Variants in OSBPL1A observed in about 807,000 individuals in gnomAD.
OSBPL1A encodes the protein oxysterol binding protein like 1A, also known as oxysterol-binding protein-related protein 1.
A neutral mutation model predicts 137.1 loss-of-function variants in OSBPL1A; 80 were observed. The ratio of observed to expected loss-of-function variants is 0.58; its 90% confidence interval spans 0.49 to 0.70. The LOEUF (loss-of-function observed/expected upper bound fraction) is 0.70. OSBPL1A is among the 30% of genes least tolerant of loss of function. The pLI, the probability that OSBPL1A is intolerant of heterozygous loss-of-function variation, is 0.00. For synonymous variants in OSBPL1A, 365 were observed against 389.7 expected (o/e 0.94, Z 0.75); for missense variants, 970 against 1,129.4 (o/e 0.86, Z 2.02).
chr18:24,300,113 A>G (rs965561453), intron 14 of OSBPL1A, among the ~76,000 whole-genome samples: 3 of 152,226 alleles, frequency 2.0e-5, no homozygotes, highest in African/African-American at 7.2e-5. Flanking sequence ...AAAAATTTCA[A>G]TACTACATTC....
intron 1 of OSBPL1A, 135 bp from the exon 2 acceptor site, chr18:24,377,670 G>A (rs1262204217): frequency 5.5e-6 from 5 of 904,308 alleles, no homozygotes; most frequent in Admixed American, 3.3e-5. Context: ...GAATAAATCC[G>A]TTGCAGGGTG....
At chr18:24,250,281 A>G (rs2089047099) in intron 15 of OSBPL1A, among the ~76,000 whole-genome samples, 2 of 151,802 alleles carry the variant, frequency 1.3e-5, no homozygotes, top group African/African-American at 4.8e-5. Context: ...GGTTTGAGCA[A>G]TTCTCATGCC....
At chr18:24,295,943 C>A (rs1205220429) in intron 14 of OSBPL1A, among the ~76,000 whole-genome samples, 1 of 151,630 alleles carries the variant, frequency 6.6e-6, no homozygotes, top group Non-Finnish European at 1.5e-5. Flanking sequence ...TAATGTGATA[C>A]CTCCAGATTT....
Position 24,167,344 on chromosome 18 carries a change from A to G in OSBPL1A, c.2520T>C (p.Pro840=). 1 of 1,614,106 alleles carries G rather than the reference A, an allele frequency of 6.2e-7. No homozygotes were observed. Among genetic ancestry groups the G allele is most frequent in the Non-Finnish European group, 8.5e-7 (1 of 1,179,936 alleles). Residue 840 remains proline (P), a synonymous_variant, in exon 25 of 28, where the codon CCT becomes CCC. Coordinates refer to ENST00000319481, the MANE Select transcript of OSBPL1A (RefSeq NM_080597.4). ...CCAGTCTCACCTGGGCAGAATTTGG[A>G]GGCCGTGGGGCTATTCGCCATAGAA... The part of the protein sequence containing the change: ...SVLLWRIAPR[P]PNSAQMYNFT...
chr18:24,215,927 T>C lies in OSBPL1A; in HGVS notation c.1601+9115A>G, dbSNP rs113072480. ...TAGATCGAGATGCCAAGCAAGAATA[T>C]ACGTTTTAATAAATATTTAACTGCT... is the stretch of plus-strand genomic sequence containing the variant. On this transcript the variant is annotated intron_variant, in intron 17 of 27. Transcript: ENST00000319481. Among the ~76,000 whole-genome samples the C allele has an allele frequency of 7.8e-3, 1,181 of 152,336 alleles. 7 individuals are homozygous for C. Among genetic ancestry groups the C allele is most frequent in the Non-Finnish European group, 0.012 (825 of 68,034 alleles).
intron 15 of OSBPL1A, among the ~76,000 whole-genome samples, chr18:24,275,088 G>A (rs909690709): frequency 3.9e-5 from 6 of 152,200 alleles, no homozygotes; most frequent in Middle Eastern, 6.8e-3. Flanking sequence ...TAGCAATAAG[G>A]AAATACTGGC....
chr18:24,388,871 T>C (rs999980141), intron 1 of OSBPL1A, among the ~76,000 whole-genome samples: 2 of 151,014 alleles, frequency 1.3e-5, no homozygotes, highest in Middle Eastern at 3.2e-3. Flanking sequence ...CCCCCACAGA[T>C]TGAGGTTGAT....
At position 24,239,262 on chromosome 18, in the gene OSBPL1A, C is replaced by T. The variant is rs754929095; in HGVS notation, c.1402G>A (p.Ala468Thr). The stretch of plus-strand genomic sequence containing the variant: ...AACTCGTCCTCGCTAAGGATGCTGG[C>T]GGGTGGAGAGCCTTTCACCAGAGAC... ...EQSLVKGSPP[A>T]SILSEDEFYD... The change falls in exon 16 of 28, where the codon GCC becomes ACC. Residue 468 changes from alanine (A) to threonine (T), a missense_variant. Ala to Thr is a moderately conservative substitution (Grantham distance 58). Around this residue, in one of 2 missense-constraint regions of OSBPL1A, gnomAD observed 647 missense variants for 672.6 expected, o/e 0.96. Transcript: ENST00000319481. The T allele has an allele frequency of 2.2e-5, 35 of 1,613,906 alleles. No individual in the cohort carries two copies. The highest frequency in any genetic ancestry group is 3.3e-5 in the Admixed American group (2 of 59,958).
chr18:24,213,085 C>CA (rs1243250179), intron 17 of OSBPL1A, among the ~76,000 whole-genome samples: 1 of 152,190 alleles, frequency 6.6e-6, no homozygotes, highest in Non-Finnish European at 1.5e-5. Context: ...ACAACTTAGT[C>CA]AGAGACGAGG....
At chr18:24,259,102 G>C (rs1426798315) in intron 15 of OSBPL1A, among the ~76,000 whole-genome samples, 1 of 151,620 alleles carries the variant, frequency 6.6e-6, no homozygotes, top group Non-Finnish European at 1.5e-5. Flanking sequence ...TTTATTTTTA[G>C]TAGAGACGGG....
intron 15 of OSBPL1A, among the ~76,000 whole-genome samples, chr18:24,257,286 G>C (rs2089309002): frequency 6.6e-6 from 1 of 152,098 alleles, no homozygotes; most frequent in South Asian, 2.1e-4. Context: ...CAGACACATA[G>C]ACCAATGGAA....
At chr18:24,350,111 CCT>C (rs2091413773) in intron 4 of OSBPL1A, among the ~76,000 whole-genome samples, 1 of 152,032 alleles carries the variant, frequency 6.6e-6, no homozygotes, top group Non-Finnish European at 1.5e-5. Flanking sequence ...TCCTCGCTCC[CCT>C]TTAGCTAGTG....
chr18:24,191,735 ATTGAG>A (rs1367726086), intron 18 of OSBPL1A, among the ~76,000 whole-genome samples: 2 of 152,216 alleles, frequency 1.3e-5, no homozygotes, highest in African/African-American at 4.8e-5. Context: ...GATTAAAACA[ATTGAG>A]TTAACTCGGT....
intron 14 of OSBPL1A, among the ~76,000 whole-genome samples, chr18:24,283,281 A>AAAAATATATAT (rs1246058393): frequency 1.3e-5 from 1 of 78,376 alleles, no homozygotes; most frequent in African/African-American, 5.3e-5. Flanking sequence ...AAAAAAAAAA[A>AAAAATATATAT]ATATATATAT....
chr18:24,251,162 C>T (rs1351775595), intron 15 of OSBPL1A, among the ~76,000 whole-genome samples: 1 of 152,184 alleles, frequency 6.6e-6, no homozygotes, highest in African/African-American at 2.4e-5. Context: ...ATCTCTGGAC[C>T]TATTTGGGGC....
In OSBPL1A at chr18:24,172,426, C is replaced by A; in HGVS notation, c.2151G>T (p.Val717=). 1 of 1,614,104 alleles carries A rather than the reference C, an allele frequency of 6.2e-7. No individual in the cohort carries two copies. Among genetic ancestry groups the A allele is most frequent in the Non-Finnish European group, 8.5e-7 (1 of 1,180,008 alleles). ...CATACTGTTCGATCCACAGTTTACCCACAATGATATTATGCACACAGCAGG... is the reference window on the plus strand; with the variant it reads ...CATACTGTTCGATCCACAGTTTACCAACAATGATATTATGCACACAGCAGG... ...NPTCCVHNII[V]GKLWIEQYGN... Residue 717 remains valine, a synonymous_variant, in exon 22 of 28, where the codon GTG becomes GTT. Transcript: ENST00000319481.
chr18:24,277,417 T>C (rs2089866853), intron 15 of OSBPL1A, among the ~76,000 whole-genome samples: 1 of 152,226 alleles, frequency 6.6e-6, no homozygotes, highest in Admixed American at 6.5e-5. Context: ...CTGTGGGGGC[T>C]GGGGTCACTT....
At chr18:24,392,350 G>C (rs1002881291) in intron 1 of OSBPL1A, among the ~76,000 whole-genome samples, 1 of 151,518 alleles carries the variant, frequency 6.6e-6, no homozygotes, top group East Asian at 1.9e-4. Flanking sequence ...GTAGAGATGG[G>C]GTTTCTCCAT....
At chr18:24,215,360 G>A (rs2087665311) in intron 17 of OSBPL1A, among the ~76,000 whole-genome samples, 1 of 152,154 alleles carries the variant, frequency 6.6e-6, no homozygotes, top group Non-Finnish European at 1.5e-5. Flanking sequence ...TCATAGCCCA[G>A]ACAATGAGAA....
Sources: gnomAD v4.1 joint callset for allele counts (sites outside exome capture counted in the v4.1 genomes callset) on GRCh38, gnomAD v4.1.1 for gene constraint, gnomAD v4.1.1 regional missense constraint, MANE v1.5 for transcripts, NCBI Gene and HGNC (gene_info 2026-07-23, HGNC 2026-07-21) for gene names.